Variants in PHF19 observed in about 807,000 individuals in gnomAD.
PHF19 encodes PHD finger protein 19, also known as polycomb like 3.
In PHF19, 21 loss-of-function variants were observed where a neutral mutation model predicts 79.8. That is an observed-to-expected ratio of 0.26 (90% CI 0.19 to 0.38). The LOEUF (loss-of-function observed/expected upper bound fraction) is 0.38, where lower values mean the gene tolerates loss of function less well. PHF19 is among the 10% of genes least tolerant of loss of function. PHF19 has a pLI of 1.00. For missense variants in PHF19, 445 were observed against 744.2 expected, an observed-to-expected ratio of 0.60 and a Z score of 4.68; for synonymous variants, 273 against 296.3, an observed-to-expected ratio of 0.92 and a Z score of 0.81.
Position 120,857,896 on chromosome 9 carries a change from G to T in PHF19, c.*48C>A, listed in dbSNP as rs772893191. On this transcript the variant is annotated 3_prime_UTR_variant, in exon 15 of 15. Transcript: ENST00000373896. ...GAAAGCTGGGGAGCCTATGGCTTCT[G>T]CTGCTCCTCCTTTGGTTTTCAGGAC... 8.6e-7 allele frequency: 1 copy of T among 1,161,650 alleles called. No homozygotes were observed. Among genetic ancestry groups the T allele is most frequent in the East Asian group, 2.5e-5 (1 of 39,798 alleles). 72.0% of individuals were successfully genotyped at this position (1,161,650 alleles called of 1,614,324 possible).
chr9:120,887,386 G>A (rs2046279907), intron 1 of PHF19, among the ~76,000 whole-genome samples: 1 of 152,114 alleles, frequency 6.6e-6, no homozygotes, highest in Admixed American at 6.6e-5. Flanking sequence ...CCTGGGAGGC[G>A]GAGGTTGCAG....
At chr9:120,865,932 G>A in intron 8 of PHF19, 96 bp downstream of exon 8, 1 of 1,588,582 alleles carries the variant, frequency 6.3e-7, no homozygotes, top group South Asian at 1.1e-5. Flanking sequence ...GCAGGGTTGG[G>A]ACCCAGTAGC....
Position 120,861,767 on chromosome 9 carries a change from G to C in PHF19, c.1218+151C>G, listed in dbSNP as rs186084339. The C allele has an allele frequency of 2.0e-3, 1,417 of 702,424 alleles. 3 individuals are homozygous for C. The highest frequency in any genetic ancestry group is 3.0e-3 in the Non-Finnish European group (1,182 of 388,118). The allele number at this position is 702,424 out of a possible 1,614,324, so 43.5% of individuals were successfully genotyped here. The stretch of plus-strand genomic sequence containing the variant: ...GGGGGGAGATAAAGCAGGGGTCTTA[G>C]AGTGCCTGGCTTAGCTGTAATAGGG... On this transcript the variant is annotated intron_variant, in intron 12 of 14. Transcript: ENST00000373896.
chr9:120,887,047 C>T (rs2046273085), intron 1 of PHF19, among the ~76,000 whole-genome samples: 1 of 146,918 alleles, frequency 6.8e-6, no homozygotes, highest in Non-Finnish European at 1.5e-5. Flanking sequence ...GCCTAGGTGA[C>T]AGAGCCAGAC....
At chr9:120,880,207 C>T (rs1440864012), upstream of PHF19, among the ~76,000 whole-genome samples, 1 of 152,170 alleles carries the variant, frequency 6.6e-6, no homozygotes, top group East Asian at 1.9e-4. Context: ...AACAGCAGTC[C>T]AGATAGGCCA....
upstream of PHF19, among the ~76,000 whole-genome samples, chr9:120,897,632 C>CA (rs780103517): frequency 5.9e-5 from 9 of 152,108 alleles, no homozygotes; most frequent in Non-Finnish European, 1.0e-4. Context: ...TTTAACCTAT[C>CA]AAATTTTTTT....
chr9:120,863,144 C>G (rs1246316783), intron 10 of PHF19: 1 of 193,052 alleles, frequency 5.2e-6, no homozygotes, highest in Admixed American at 5.5e-5. Flanking sequence ...ACCGGCTGGG[C>G]TCCTCTGAGG....
rs1029504351 is a variant in PHF19 at position 120,891,263 on chromosome 9, C to G, written c.42+3525G>C. On this transcript the variant is annotated intron_variant, in intron 1 of 14. Transcript: ENST00000616568. This position sits in a 1 kb window ranked among gnomAD's most constrained non-coding sequence, Gnocchi z 4.3. ...CCTCTTCCCTTCTCTCCCCTCCTCT[C>G]CCCTCCTTTCCCCTTCTTCTCCTCT... Among the ~76,000 whole-genome samples, 2 of 151,994 alleles carry G rather than the reference C, an allele frequency of 1.3e-5. No individual in the cohort carries two copies. The highest frequency in any genetic ancestry group is 4.8e-5 in the African/African-American group (2 of 41,374).
At chr9:120,887,823 C>T (rs2046288388) in intron 1 of PHF19, among the ~76,000 whole-genome samples, 1 of 152,132 alleles carries the variant, frequency 6.6e-6, no homozygotes, top group African/African-American at 2.4e-5. Context: ...ATTGGAGAAG[C>T]CCCATCGTAA....
rs2045829135 is a variant in PHF19, at chr9:120,869,656, T to C, written c.465+189A>G. ...CCCGACACCAAACCCATCTCCACTT[T>C]ACAGTTGAGGAAACTGAGGCTCAGG... On this transcript the variant is annotated intron_variant, in intron 5 of 14. Transcript: ENST00000373896. This position sits in a 1 kb window ranked among gnomAD's most constrained non-coding sequence, Gnocchi z 5.8. 2.6e-6 allele frequency: 4 copies of C among 1,545,454 alleles called. No individual in the cohort carries two copies. Among genetic ancestry groups the C allele is most frequent in the Non-Finnish European group, 2.6e-6 (3 of 1,142,346 alleles).
At position 120,862,921 on chromosome 9, in the gene PHF19, T is replaced by C. The variant is rs1196023898; in HGVS notation, c.969-172A>G. 6 of 625,172 alleles carry C rather than the reference T, an allele frequency of 9.6e-6. No homozygotes were observed. The highest frequency in any genetic ancestry group is 2.8e-5 in the Admixed American group (1 of 35,918). The allele number at this position is 625,172 out of a possible 1,614,324, so 38.7% of individuals were successfully genotyped here. On this transcript the variant is annotated intron_variant, in intron 10 of 14. Coordinates refer to ENST00000373896, the MANE Select transcript of PHF19 (RefSeq NM_015651.3). This position sits in a 1 kb window ranked among gnomAD's most constrained non-coding sequence, Gnocchi z 4.6. ...AGCCCATGGGATGCGGGGTTCCAGG[T>C]AGCAGCTGAGAACACGGCTGGTGCC... is the stretch of plus-strand genomic sequence containing the variant.
chr9:120,890,127 T>A (rs2046321845), intron 1 of PHF19, among the ~76,000 whole-genome samples: 1 of 152,208 alleles, frequency 6.6e-6, no homozygotes, highest in Non-Finnish European at 1.5e-5. Context: ...CCAGTAAATG[T>A]CCCATAAGTG....
At chr9:120,867,372 G>A (rs10985067) in intron 6 of PHF19, among the ~76,000 whole-genome samples, 14,936 of 152,276 alleles carry the variant, frequency 0.098, 816 homozygotes, top group Middle Eastern at 0.14. Flanking sequence ...GAGACTTCAC[G>A]GGAGAATAAT....
rs2045576634 is a variant in PHF19 at position 120,862,902 on chromosome 9, T to C, written c.969-153A>G. 1.0e-5 allele frequency: 7 copies of C among 686,298 alleles called. No individual in the cohort carries two copies. The highest frequency in any genetic ancestry group is 5.1e-5 in the Admixed American group (2 of 39,364). 42.5% of individuals were successfully genotyped at this position (686,298 alleles called of 1,614,324 possible). ...CAGATGCTGACTTCCTCAAAGCCCA[T>C]GGGATGCGGGGTTCCAGGTAGCAGC... On this transcript the variant is annotated intron_variant, in intron 10 of 14. Coordinates refer to ENST00000373896, the MANE Select transcript of PHF19 (RefSeq NM_015651.3). This position sits in a 1 kb window ranked among gnomAD's most constrained non-coding sequence, Gnocchi z 4.6.
In PHF19 at chr9:120,860,267, T is replaced by C; in HGVS notation, c.1305-82A>G. On this transcript the variant is annotated intron_variant, in intron 13 of 14. Coordinates refer to ENST00000373896, the MANE Select transcript of PHF19 (RefSeq NM_015651.3). The surrounding 1 kb of genome is among the most constrained non-coding windows in gnomAD (Gnocchi z 4.1). Reference sequence around the variant, plus strand: ...ACCTGGCCCGCAGGTTCCCCTAACATGCATCCTTCATCCCAGTGGAGGCCC... The same window carrying C: ...ACCTGGCCCGCAGGTTCCCCTAACACGCATCCTTCATCCCAGTGGAGGCCC... 1.3e-6 allele frequency: 1 copy of C among 741,250 alleles called. No individual in the cohort carries two copies. Among genetic ancestry groups the C allele is most frequent in the Non-Finnish European group, 2.4e-6 (1 of 414,294 alleles). The allele number at this position is 741,250 out of a possible 1,614,324, so 45.9% of individuals were successfully genotyped here.
At chr9:120,886,110 A>G (rs934444207) in intron 1 of PHF19, among the ~76,000 whole-genome samples, 2 of 152,210 alleles carry the variant, frequency 1.3e-5, no homozygotes, top group Non-Finnish European at 1.5e-5. Context: ...ATTACAATTC[A>G]AAGTCCCAGA....
At chr9:120,893,200 G>A (rs1176894608) in intron 1 of PHF19, among the ~76,000 whole-genome samples, 6 of 152,182 alleles carry the variant, frequency 3.9e-5, no homozygotes, top group Non-Finnish European at 7.4e-5. Context: ...CTTAGTAAAG[G>A]CAGTAATGTG....
At chr9:120,894,155 C>T (rs925715131) in intron 1 of PHF19, among the ~76,000 whole-genome samples, 1 of 152,160 alleles carries the variant, frequency 6.6e-6, no homozygotes, top group East Asian at 1.9e-4. Flanking sequence ...GGAAGGGCCA[C>T]GAGATGAACG....
intron 1 of PHF19, among the ~76,000 whole-genome samples, chr9:120,882,620 T>C (rs1367123479): frequency 3.3e-5 from 5 of 152,088 alleles, no homozygotes; most frequent in African/African-American, 1.2e-4. Flanking sequence ...GGTGGGCGGA[T>C]CACCTGAGGT....
Sources: allele counts gnomAD v4.1 joint callset (sites outside exome capture counted in the v4.1 genomes callset), GRCh38; gene constraint gnomAD v4.1.1; non-coding constraint Gnocchi (gnomAD v3.1); transcripts MANE v1.5; gene names NCBI Gene and HGNC (gene_info 2026-07-23, HGNC 2026-07-21).